Variants in HIBCH observed in about 807,000 individuals in gnomAD.
HIBCH encodes 3-hydroxyisobutyryl-CoA hydrolase, mitochondrial.
A neutral mutation model predicts 58.2 loss-of-function variants in HIBCH; 50 were observed. The ratio of observed to expected loss-of-function variants is 0.86; its 90% CI spans 0.68 to 1.09. HIBCH has a LOEUF of 1.09. HIBCH is among the 50% of genes least tolerant of loss of function. HIBCH has a pLI of 0.00. For synonymous variants in HIBCH, 151 were observed against 146.9 expected (o/e 1.03, Z -0.20); for missense variants, 450 against 449.7 (o/e 1.00, Z -0.01).
intron 11 of HIBCH, among the ~76,000 whole-genome samples, chr2:190,219,532 G>A (rs1239839449): frequency 6.6e-6 from 1 of 152,128 alleles, no homozygotes; most frequent in African/African-American, 2.4e-5. Context: ...CACTTTGTTT[G>A]TTCTTATCGG....
At chr2:190,311,323 G>A (rs780390574) in intron 1 of HIBCH, among the ~76,000 whole-genome samples, 23 of 152,124 alleles carry the variant, frequency 1.5e-4, no homozygotes, top group Non-Finnish European at 2.4e-4. Context: ...GATGTTTAGG[G>A]CAGTGAAACT....
intron 6 of HIBCH, among the ~76,000 whole-genome samples, chr2:190,278,806 A>G (rs1003432988): frequency 1.3e-4 from 19 of 150,412 alleles, no homozygotes; most frequent in African/African-American, 4.6e-4. Flanking sequence ...TGATTATGGG[A>G]GATAAGGTAA....
At chr2:190,259,703 C>A (rs888451102) in intron 7 of HIBCH, among the ~76,000 whole-genome samples, 1 of 152,040 alleles carries the variant, frequency 6.6e-6, no homozygotes, top group African/African-American at 2.4e-5. Context: ...GATTTTATAT[C>A]CTACAGCTTT....
intron 1 of HIBCH, chr2:190,311,164 A>T (rs1248947557): frequency 3.0e-5 from 12 of 400,106 alleles, no homozygotes; most frequent in Non-Finnish European, 5.7e-5. Flanking sequence ...CATACTACTA[A>T]GCAAAAGAAG....
At chr2:190,307,282 T>C (rs562256930) in intron 2 of HIBCH, among the ~76,000 whole-genome samples, 11 of 152,266 alleles carry the variant, frequency 7.2e-5, no homozygotes, top group Admixed American at 7.2e-4. Context: ...GAATACTACT[T>C]TCTAAAAGGA....
rs1690038156 is a variant in HIBCH, at chr2:190,197,557, G to T, written c.*17+7543C>A. 1.3e-5 allele frequency among the ~76,000 whole-genome samples: 2 copies of T among 152,090 alleles called. No homozygotes were observed. Among genetic ancestry groups the T allele is most frequent in the African/African-American group, 4.8e-5 (2 of 41,382 alleles). ...TGTTTTAGTAACCCTAACCTCTGTTGCATCAGAGTTGCCACTCTCTGACTC... is the reference window on the plus strand; with the variant it reads ...TGTTTTAGTAACCCTAACCTCTGTTTCATCAGAGTTGCCACTCTCTGACTC... On this transcript the variant is annotated intron_variant, in intron 1 of 1. Transcript: ENST00000399855. This position sits in a 1 kb window ranked among gnomAD's most constrained non-coding sequence, Gnocchi z 4.0.
At chr2:190,314,591 G>A (rs1688664938) in intron 1 of HIBCH, among the ~76,000 whole-genome samples, 1 of 151,858 alleles carries the variant, frequency 6.6e-6, no homozygotes, top group Admixed American at 6.6e-5. Context: ...CAATTCTCCT[G>A]CCTCAGCCTC....
intron 4 of HIBCH, 119 bp downstream of exon 4, chr2:190,294,424 TAAC>T: frequency 1.4e-6 from 1 of 708,736 alleles, no homozygotes; most frequent in Non-Finnish European, 2.5e-6. Flanking sequence ...AAGAATGTAT[TAAC>T]TTTATAATAA....
chr2:190,233,826 T>C (rs1159398385), intron 11 of HIBCH, among the ~76,000 whole-genome samples: 1 of 152,220 alleles, frequency 6.6e-6, no homozygotes, highest in Non-Finnish European at 1.5e-5. Flanking sequence ...TGTCATGCTA[T>C]TTTATATATC....
At position 190,204,311 on chromosome 2, in the gene HIBCH, G is replaced by A. The variant is rs1274668800; in HGVS notation, c.*806C>T. 1 of 151,960 alleles carries A rather than the reference G, an allele frequency of 6.6e-6. No homozygotes were observed. The highest frequency in any genetic ancestry group is 1.5e-5 in the Non-Finnish European group (1 of 67,924). The allele number at this position is 151,960 out of a possible 1,614,324, so 9.4% of individuals were successfully genotyped here. ...CTTACGTAAATTATAAAAAAACAGA[G>A]TGTCTCTATCTAAGAGATTGGAGTT... On this transcript the variant is annotated 3_prime_UTR_variant, in exon 14 of 14. Transcript: ENST00000359678.
At position 190,290,436 on chromosome 2, in the gene HIBCH, G is replaced by A; in HGVS notation, c.354C>T (p.Phe118=). Residue 118 remains phenylalanine (F), a synonymous_variant, in exon 5 of 14, where the codon TTC becomes TTT. Coordinates refer to ENST00000359678, the MANE Select transcript of HIBCH (RefSeq NM_014362.4). ...CATTATTCAGCATATATTCTTCTCT[G>A]AAGAAAACTGGAGCTATCTTCTGTT... The part of the protein sequence containing the change: ...KAKQKIAPVF[F]REEYMLNNAV... 1 of 1,611,744 alleles carries A rather than the reference G, an allele frequency of 6.2e-7. No individual in the cohort carries two copies. The highest frequency in any genetic ancestry group is 8.5e-7 in the Non-Finnish European group (1 of 1,178,434).
chr2:190,212,682 G>T (rs543266444), intron 12 of HIBCH, among the ~76,000 whole-genome samples: 2 of 152,320 alleles, frequency 1.3e-5, no homozygotes, highest in East Asian at 3.9e-4. Context: ...ATCGCTGAAA[G>T]ACATTAATTT....
Position 190,315,086 on chromosome 2 carries a change from T to C in HIBCH, c.36-4290A>G, listed in dbSNP as rs550819362. 1.4e-4 allele frequency among the ~76,000 whole-genome samples: 22 copies of C among 152,168 alleles called. No homozygotes were observed. The highest frequency in any genetic ancestry group is 5.3e-4 in the African/African-American group (22 of 41,512). On this transcript the variant is annotated intron_variant, in intron 1 of 13. Transcript: ENST00000359678. The surrounding 1 kb of genome is among the most constrained non-coding windows in gnomAD (Gnocchi z 5.4). ...CCTCAGTCTCCTGAGTAGCTGGGAC[T>C]ACAGGTGCCTGCCACCATGCCCGGC...
At chr2:190,275,129 T>C (rs571546128) in intron 6 of HIBCH, among the ~76,000 whole-genome samples, 3 of 152,146 alleles carry the variant, frequency 2.0e-5, no homozygotes, top group Non-Finnish European at 4.4e-5. Context: ...TACTGTGCCA[T>C]ATTTTGAGTT....
chr2:190,313,658 AAAAAAAG>A (rs1326131367), intron 1 of HIBCH, among the ~76,000 whole-genome samples: 7 of 148,846 alleles, frequency 4.7e-5, no homozygotes, highest in Non-Finnish European at 1.5e-5. Context: ...AAAAAAAAAA[AAAAAAAG>A]GAATCACCTG....
At position 190,294,022 on chromosome 2, in the gene HIBCH, G is replaced by GTATATA. The variant is rs1553505756; in HGVS notation, c.304+518_304+523dup. ...ATATTTTGTAATATATATTTTGTGT[G>GTATATA]TATATATATATATATATATATATAT... is the stretch of plus-strand genomic sequence containing the variant. On this transcript the variant is annotated intron_variant, in intron 4 of 13. Coordinates refer to ENST00000359678, the MANE Select transcript of HIBCH (RefSeq NM_014362.4). Among the ~76,000 whole-genome samples, 438 of 82,954 alleles carry GTATATA rather than the reference G, an allele frequency of 5.3e-3. 2 individuals are homozygous for GTATATA. The highest frequency in any genetic ancestry group is 0.034 in the East Asian group (128 of 3,752). 54.4% of individuals were successfully genotyped at this position (82,954 alleles called of 152,430 possible). A position where few individuals can be genotyped will look rare whatever the true frequency, so the allele number is the denominator to read the frequency against.
At chr2:190,229,352 C>G (rs1466169430) in intron 11 of HIBCH, among the ~76,000 whole-genome samples, 3 of 152,194 alleles carry the variant, frequency 2.0e-5, no homozygotes, top group Admixed American at 2.0e-4. Context: ...TCCTATCCAA[C>G]TCAAAGGAAT....
rs74589839 is a variant in HIBCH at position 190,271,925 on chromosome 2, T to C, written c.439-10691A>G. On this transcript the variant is annotated intron_variant, in intron 6 of 13. Coordinates refer to ENST00000359678, the MANE Select transcript of HIBCH (RefSeq NM_014362.4). ...CAAATATGAATTCTCTCTTATCTCA[T>C]TTTCACATATGCTATTATCTTCTCA... Among the ~76,000 whole-genome samples the C allele has an allele frequency of 2.9e-3, 445 of 152,286 alleles. 6 individuals carry two copies. The highest frequency in any genetic ancestry group is 9.9e-3 in the African/African-American group (412 of 41,552).
intron 6 of HIBCH, 72 bp from the exon 7 acceptor site, chr2:190,261,306 A>T: frequency 9.2e-7 from 1 of 1,086,656 alleles, no homozygotes; most frequent in Non-Finnish European, 1.4e-6. Flanking sequence ...AAATTCACAC[A>T]CTTACAAAAT....
Sources: allele counts gnomAD v4.1 joint callset (sites outside exome capture counted in the v4.1 genomes callset), GRCh38; gene constraint gnomAD v4.1.1; non-coding constraint Gnocchi (gnomAD v3.1); transcripts MANE v1.5; gene names NCBI Gene and HGNC (gene_info 2026-07-23, HGNC 2026-07-21).